Variants in NCAPD3 observed in about 807,000 individuals in gnomAD.
NCAPD3 encodes the protein condensin-2 complex subunit D3.
In NCAPD3, 105 loss-of-function variants were observed where a neutral mutation model predicts 182.9. That is an observed-to-expected ratio of 0.57 (90% CI 0.49 to 0.68). The LOEUF is 0.68. Among genes scored for constraint, NCAPD3 ranks in the 30% least tolerant of loss-of-function variants. NCAPD3 has a pLI of 0.00. For missense variants in NCAPD3, 1,944 were observed against 1,837.0 expected, an observed-to-expected ratio of 1.06 and a Z score of -1.07; for synonymous variants, 815 against 679.9, an observed-to-expected ratio of 1.20 and a Z score of -3.09.
chr11:134,210,566 T>C, intron 3 of NCAPD3, 112 bp from the exon 4 acceptor site: 1 of 945,520 alleles, frequency 1.1e-6, no homozygotes, highest in Non-Finnish European at 1.6e-6. Flanking sequence ...TGACTGTGAA[T>C]AACAATGAAC....
chr11:134,181,171 T>G lies in NCAPD3; in HGVS notation c.2465A>C (p.Gln822Pro). Reference sequence around the variant, plus strand: ...GGTGGAGAGTACATCCCCACACACCTGCGTCAGCAATTCCTACGGCAAGTC... The same window carrying G: ...GGTGGAGAGTACATCCCCACACACCGGCGTCAGCAATTCCTACGGCAAGTC... ...TPAEEQELLT[Q>P]VCGDVLSTCE... The change falls in exon 20 of 35, where the codon CAG becomes CCG. Residue 822 changes from glutamine (Q) to proline (P), a missense_variant. Physicochemically the swap from Gln to Pro is moderately conservative, Grantham distance 76 (BLOSUM62 -1). Around this residue, in one of 3 missense-constraint regions of NCAPD3, gnomAD observed 1,803 missense variants for 1,674.6 expected, o/e 1.08. Transcript: ENST00000534548. 1 of 1,613,574 alleles carries G rather than the reference T, an allele frequency of 6.2e-7. No homozygotes were observed. The highest frequency in any genetic ancestry group is 8.5e-7 in the Non-Finnish European group (1 of 1,179,650).
At chr11:134,221,001 T>G (rs556521528) in intron 1 of NCAPD3, among the ~76,000 whole-genome samples, 3 of 152,326 alleles carry the variant, frequency 2.0e-5, no homozygotes, top group African/African-American at 7.2e-5. Flanking sequence ...GAAAGGACAC[T>G]TCAAAACATT....
rs147478692 is a variant in NCAPD3 at position 134,198,694 on chromosome 11, T to C, written c.1616-3956A>G. 1.6e-4 allele frequency among the ~76,000 whole-genome samples: 25 copies of C among 152,350 alleles called. 1 individual carries two copies. The highest frequency in any genetic ancestry group is 4.1e-4 in the South Asian group (2 of 4,832). On this transcript the variant is annotated intron_variant, in intron 13 of 34. Coordinates refer to ENST00000534548, the MANE Select transcript of NCAPD3 (RefSeq NM_015261.3). ...TCTATTTACAGATGACTTGTTCTTA[T>C]ATCAAGAAAATCCTAAGGAATCCAC...
chr11:134,161,388 G>A (rs560778741), intron 28 of NCAPD3, among the ~76,000 whole-genome samples: 1 of 152,282 alleles, frequency 6.6e-6, no homozygotes, highest in East Asian at 1.9e-4. Flanking sequence ...TCCTGACCTT[G>A]TGAATCTGAG....
chr11:134,163,372 T>C (rs539854733), intron 27 of NCAPD3, among the ~76,000 whole-genome samples: 2 of 152,204 alleles, frequency 1.3e-5, no homozygotes, highest in East Asian at 1.9e-4. Flanking sequence ...TTAGTCTGTT[T>C]CAGATATAAT....
At chr11:134,187,486 C>T (rs767982469) in intron 16 of NCAPD3, among the ~76,000 whole-genome samples, 1 of 152,212 alleles carries the variant, frequency 6.6e-6, no homozygotes, top group African/African-American at 2.4e-5. Flanking sequence ...GCTCTCCACA[C>T]CTCAGTCAAC....
chr11:134,225,155 G>A (rs1938420848), upstream of NCAPD3: 1 of 1,613,306 alleles, frequency 6.2e-7, no homozygotes, highest in South Asian at 1.1e-5. Context: ...AGAGCGTGGA[G>A]GTGGAAATCC....
intron 13 of NCAPD3, among the ~76,000 whole-genome samples, chr11:134,195,318 C>T (rs918258694): frequency 2.6e-5 from 4 of 151,992 alleles, no homozygotes; most frequent in African/African-American, 9.7e-5. Context: ...AGGCTGGTCT[C>T]GAACTCCTAG....
chr11:134,224,110 T>A, upstream of NCAPD3: 1 of 706,852 alleles, frequency 1.4e-6, no homozygotes, highest in Non-Finnish European at 2.3e-6. Context: ...CTCAGAGAAC[T>A]GGGCGGGCCG....
rs1944775340 is a variant in NCAPD3, at chr11:134,202,743, G to GT, written c.1615+72dup. 38 of 1,210,978 alleles carry GT rather than the reference G, an allele frequency of 3.1e-5. No homozygotes were observed. In the South Asian group the frequency reaches 5.6e-4, roughly 18 times the overall value. 75.0% of individuals were successfully genotyped at this position (1,210,978 alleles called of 1,614,324 possible). On this transcript the variant is annotated intron_variant, in intron 13 of 34. Coordinates refer to ENST00000534548, the MANE Select transcript of NCAPD3 (RefSeq NM_015261.3). ...TCAGAAAAAAAAAAAAAAATCCAAG[G>GT]TTTTAGACTCTACTTACGGTTGTCT... is the stretch of plus-strand genomic sequence containing the variant.
chr11:134,163,449 C>T (rs1943651038), intron 27 of NCAPD3, among the ~76,000 whole-genome samples: 1 of 152,054 alleles, frequency 6.6e-6, no homozygotes, highest in African/African-American at 2.4e-5. Flanking sequence ...CCTGTAATCC[C>T]AGCACTTTGG....
At chr11:134,207,742 C>CAA (rs34965902) in intron 7 of NCAPD3, among the ~76,000 whole-genome samples, 879 of 61,518 alleles carry the variant, frequency 0.014, 22 homozygotes, top group African/African-American at 0.027. Context: ...GACTGCGTCT[C>CAA]AAAAAAAAAA....
intron 4 of NCAPD3, 97 bp from the exon 5 acceptor site, chr11:134,209,574 G>C (rs1459753730): frequency 8.6e-7 from 1 of 1,161,770 alleles, no homozygotes; most frequent in Non-Finnish European, 1.2e-6. Flanking sequence ...ATAAACTCCA[G>C]GCAGGAGCTG....
At chr11:134,212,430 G>C (rs1937873126) in intron 3 of NCAPD3, among the ~76,000 whole-genome samples, 1 of 146,674 alleles carries the variant, frequency 6.8e-6, no homozygotes, top group African/African-American at 2.5e-5. Flanking sequence ...GTCTGGATCT[G>C]TTGCCCAGGC....
At chr11:134,211,002 T>C (rs77802374) in intron 3 of NCAPD3, among the ~76,000 whole-genome samples, 3,696 of 152,312 alleles carry the variant, frequency 0.024, 153 homozygotes, top group African/African-American at 0.084. Flanking sequence ...AAGCTACACA[T>C]GCACAGGGTA....
At chr11:134,164,213 A>G (rs924230517) in intron 27 of NCAPD3, among the ~76,000 whole-genome samples, 1 of 152,178 alleles carries the variant, frequency 6.6e-6, no homozygotes. Flanking sequence ...CAAATTCTAC[A>G]CTTCCTGCCA....
rs34393824 is a variant in NCAPD3 at position 134,192,780 on chromosome 11, G to T, written c.1954C>A (p.Arg652=). Residue 652 remains arginine (R), a synonymous_variant, in exon 16 of 35, where the codon CGG becomes AGG. Coordinates refer to ENST00000534548, the MANE Select transcript of NCAPD3 (RefSeq NM_015261.3). ...CCAGAGTGAAAATGACTGTGATGCCGGATGTTCTGCAGCAGCAGCTGGTCC... is the reference window on the plus strand; with the variant it reads ...CCAGAGTGAAAATGACTGTGATGCCTGATGTTCTGCAGCAGCAGCTGGTCC... ...FLDQLLLQNI[R]HHSHFHSGDD... 3.7e-6 allele frequency: 6 copies of T among 1,614,048 alleles called. No homozygotes were observed. The highest frequency in any genetic ancestry group is 1.3e-5 in the African/African-American group (1 of 74,924).
chr11:134,191,854 T>C (rs2135995222), intron 16 of NCAPD3, among the ~76,000 whole-genome samples: 1 of 152,302 alleles, frequency 6.6e-6, no homozygotes, highest in African/African-American at 2.4e-5. Context: ...ATATACACCT[T>C]GTATGCACAG....
At chr11:134,218,558 C>T (rs1286671062) in intron 2 of NCAPD3, among the ~76,000 whole-genome samples, 1 of 152,134 alleles carries the variant, frequency 6.6e-6, no homozygotes, top group Non-Finnish European at 1.5e-5. Context: ...CTCTTTTTCC[C>T]TTATTCCCCA....
Sources: allele counts gnomAD v4.1 joint callset (sites outside exome capture counted in the v4.1 genomes callset), GRCh38; gene constraint gnomAD v4.1.1; regional missense constraint gnomAD v4.1.1; transcripts MANE v1.5; gene names NCBI Gene and HGNC (gene_info 2026-07-23, HGNC 2026-07-21).